SLC4A4: variants seen among roughly 807,000 people sequenced by gnomAD.
SLC4A4 encodes electrogenic sodium bicarbonate cotransporter 1.
In SLC4A4, 27 loss-of-function variants were observed where a neutral mutation model predicts 111.5. The ratio of observed to expected loss-of-function variants is 0.24; its 90% CI spans 0.18 to 0.33. The LOEUF (loss-of-function observed/expected upper bound fraction) is 0.33, where lower values mean the gene tolerates loss of function less well. Among genes scored for constraint, SLC4A4 ranks in the 10% least tolerant of loss-of-function variants. The pLI, the probability that SLC4A4 is intolerant of heterozygous loss-of-function variation, is 1.00. For synonymous variants in SLC4A4, 443 were observed against 463.4 expected, an observed-to-expected ratio of 0.96 and a Z score of 0.57; for missense variants, 909 against 1,315.5, an observed-to-expected ratio of 0.69 and a Z score of 4.78.
At chr4:71,102,352 A>G (rs546811609) in intron 2 of SLC4A4, among the ~76,000 whole-genome samples, 199 of 150,498 alleles carry the variant, frequency 1.3e-3, no homozygotes, top group African/African-American at 4.5e-3. Flanking sequence ...ACTCTGCAGG[A>G]TATTATCCAG....
At chr4:71,224,367 G>A (rs1282200595) in intron 1 of SLC4A4, among the ~76,000 whole-genome samples, 4 of 152,318 alleles carry the variant, frequency 2.6e-5, no homozygotes, top group South Asian at 2.1e-4. Context: ...CAGATCAGTC[G>A]AATTGGCTAA....
chr4:71,379,153 A>T (rs1477917545), intron 6 of SLC4A4, among the ~76,000 whole-genome samples: 2 of 152,130 alleles, frequency 1.3e-5, no homozygotes, highest in African/African-American at 4.8e-5. Context: ...TGAACGCCAC[A>T]CATCACTCCC....
At chr4:71,330,071 A>G (rs1014235196) in intron 3 of SLC4A4, among the ~76,000 whole-genome samples, 1 of 152,132 alleles carries the variant, frequency 6.6e-6, no homozygotes, top group Non-Finnish European at 1.5e-5. Context: ...AAATGATCGT[A>G]TGGTTTTTGT....
intron 16 of SLC4A4, among the ~76,000 whole-genome samples, chr4:71,523,448 A>G (rs1441408106): frequency 6.6e-6 from 1 of 152,220 alleles, no homozygotes; most frequent in East Asian, 1.9e-4. Flanking sequence ...TTCAGTTCTT[A>G]CAGACATATG....
At chr4:71,436,434 A>T (rs578134081) in intron 7 of SLC4A4, among the ~76,000 whole-genome samples, 2 of 152,276 alleles carry the variant, frequency 1.3e-5, no homozygotes, top group South Asian at 4.2e-4. Flanking sequence ...GGGAGGGATA[A>T]TATTAGGAGA....
chr4:71,121,856 A>G (rs924329309), intron 2 of SLC4A4, among the ~76,000 whole-genome samples: 1 of 152,104 alleles, frequency 6.6e-6, no homozygotes, highest in Non-Finnish European at 1.5e-5. Context: ...CACTGCCTTT[A>G]TGAGCTGTAA....
At position 71,451,266 on chromosome 4, in the gene SLC4A4, A is replaced by G; in HGVS notation, c.1287A>G (p.Gly429=). ...TPHDGGHGGG[G]HGDCEELQRT... is the part of the protein sequence containing the mutation. ...ATGATGGAGGTCACGGAGGAGGAGG[A>G]CATGGGGATTGTGAAGAATTGCAGC... is the stretch of plus-strand genomic sequence containing the variant. The change falls in exon 11 of 26, where the codon GGA becomes GGG. Residue 429 remains glycine (G), a synonymous_variant. Transcript: ENST00000264485. 1 of 1,613,150 alleles carries G rather than the reference A, an allele frequency of 6.2e-7. No individual in the cohort carries two copies. Among genetic ancestry groups the G allele is most frequent in the Non-Finnish European group, 8.5e-7 (1 of 1,179,156 alleles).
intron 22 of SLC4A4, 86 bp downstream of exon 22, chr4:71,557,971 A>T: frequency 8.0e-7 from 1 of 1,256,274 alleles, no homozygotes; most frequent in Non-Finnish European, 1.2e-6. Context: ...CATGTCTTTT[A>T]TGTGTTGTTC....
chr4:71,484,421 T>G (rs778436042), intron 14 of SLC4A4, among the ~76,000 whole-genome samples: 1 of 151,834 alleles, frequency 6.6e-6, no homozygotes, highest in South Asian at 2.1e-4. Flanking sequence ...TACTACTTAT[T>G]GAATAGGGAA....
intron 1 of SLC4A4, among the ~76,000 whole-genome samples, chr4:71,086,413 T>C (rs1032672287): frequency 1.3e-5 from 2 of 151,960 alleles, no homozygotes; most frequent in African/African-American, 4.8e-5. Flanking sequence ...TCCTGCCTGA[T>C]TGCCCTGGCC....
At chr4:71,545,795 C>T (rs1286071198) in intron 18 of SLC4A4, among the ~76,000 whole-genome samples, 1 of 152,030 alleles carries the variant, frequency 6.6e-6, no homozygotes, top group Non-Finnish European at 1.5e-5. Context: ...AAGTTGAGTA[C>T]TGTCTAGATG....
chr4:71,484,958 G>T lies in SLC4A4; in HGVS notation c.1904-1990G>T, dbSNP rs933927275. On this transcript the variant is annotated intron_variant, in intron 14 of 25. Transcript: ENST00000264485. ...TGTTCCTGATTGTTGTTAATATTTA[G>T]GAATGCTAGTGATTTTTGCACATTG... 2.0e-5 allele frequency among the ~76,000 whole-genome samples: 3 copies of T among 150,774 alleles called. No homozygotes were observed. The Admixed American group carries it at 2.0e-4, about 10-fold the overall frequency.
At chr4:71,267,128 C>T (rs1326909314) in intron 3 of SLC4A4, among the ~76,000 whole-genome samples, 1 of 152,140 alleles carries the variant, frequency 6.6e-6, no homozygotes, top group East Asian at 1.9e-4. Flanking sequence ...AAATTAAAGA[C>T]TTTCTACCCT....
chr4:71,133,839 C>T (rs1470934745), intron 2 of SLC4A4, among the ~76,000 whole-genome samples: 3 of 152,210 alleles, frequency 2.0e-5, no homozygotes, highest in Admixed American at 2.0e-4. Context: ...CTGCCCTACT[C>T]TTTCTAGAAC....
chr4:71,079,535 G>T (rs1354297246), intron 1 of SLC4A4, among the ~76,000 whole-genome samples: 2 of 152,234 alleles, frequency 1.3e-5, no homozygotes, highest in East Asian at 3.9e-4. Context: ...CAGCACTTTG[G>T]GAGGCTGAGG....
chr4:71,143,452 G>T (rs1297371062), intron 2 of SLC4A4, among the ~76,000 whole-genome samples: 1 of 152,058 alleles, frequency 6.6e-6, no homozygotes, highest in Non-Finnish European at 1.5e-5. Context: ...ATAATCCTTT[G>T]GGTATATACC....
rs562437625 is a variant in SLC4A4, at chr4:71,156,582, G to GCACACACA, written c.-2+63791_-2+63792insACACACAC. 9.8e-5 allele frequency among the ~76,000 whole-genome samples: 11 copies of GCACACACA among 111,920 alleles called. No homozygotes were observed. The South Asian group carries it at 2.1e-3, about 22-fold the overall frequency. 73.4% of individuals were successfully genotyped at this position (111,920 alleles called of 152,430 possible). A position where few individuals can be genotyped will look rare whatever the true frequency, so the allele number is the denominator to read the frequency against. The stretch of plus-strand genomic sequence containing the variant: ...TAAGTGTGTGCGCGCATGCGCGCGC[G>GCACACACA]CGCGCGCACACACACACACACACAC... On this transcript the variant is annotated intron_variant, in intron 2 of 26. Coordinates refer to the SLC4A4 transcript ENST00000649996.
intron 14 of SLC4A4, among the ~76,000 whole-genome samples, chr4:71,476,075 CT>C (rs1728344827): frequency 6.6e-6 from 1 of 151,688 alleles, no homozygotes; most frequent in Non-Finnish European, 1.5e-5. Flanking sequence ...GAGATGAAAT[CT>C]ATTTGTGGTT....
At position 71,560,193 on chromosome 4, in the gene SLC4A4, A is replaced by G. The variant is rs1322471938; in HGVS notation, c.3038A>G (p.Lys1013Arg). ...DDVIPEKDKK[K>R]KEDEKKKKKK... ...GTCATTCCAGAAAAGGACAAGAAAA[A>G]GAAGGAGGATGAGAAGAAAAAGAAA... The change falls in exon 23 of 26, where the codon AAG (lysine) becomes AGG (arginine). Residue 1013 changes from lysine to arginine, a missense_variant. Lys to Arg is a conservative substitution (Grantham distance 26, BLOSUM62 2). Transcript: ENST00000264485. 1 of 1,610,912 alleles carries G rather than the reference A, an allele frequency of 6.2e-7. No homozygotes were observed. Among genetic ancestry groups the G allele is most frequent in the Non-Finnish European group, 8.5e-7 (1 of 1,177,790 alleles).
Sources: allele counts gnomAD v4.1 joint callset (sites outside exome capture counted in the v4.1 genomes callset), GRCh38; gene constraint gnomAD v4.1.1; transcripts MANE v1.5; gene names NCBI Gene and HGNC (gene_info 2026-07-23, HGNC 2026-07-21).